Variants in BCL9L observed in about 807,000 individuals in gnomAD.
BCL9L encodes B-cell CLL/lymphoma 9-like protein.
In BCL9L, 19 loss-of-function variants were observed where a neutral mutation model predicts 99.4. The observed-to-expected ratio is 0.19, with a 90% CI of 0.13 to 0.28. The LOEUF is 0.28. Among genes scored for constraint, BCL9L ranks in the 10% least tolerant of loss-of-function variants. The pLI is 1.00. For synonymous variants in BCL9L, 900 were observed against 854.8 expected, an observed-to-expected ratio of 1.05 and a Z score of -0.92; for missense variants, 2,023 against 2,101.6, an observed-to-expected ratio of 0.96 and a Z score of 0.73.
chr11:118,907,590 C>A lies in BCL9L; in HGVS notation c.425G>T (p.Arg142Leu). The change falls in exon 5 of 10, where the codon CGG becomes CTG. Residue 142 changes from arginine to leucine, a missense_variant. By Grantham distance (102) the Arg-to-Leu change is moderately radical. This residue lies in a region of BCL9L where 1,116 missense variants were observed against 1,194.6 expected (regional missense o/e 0.93). Coordinates refer to ENST00000683865, the MANE Select transcript of BCL9L (RefSeq NM_001378213.1). ...CTCCAGCACACAGCGCCGCTTACTC[C>A]GCGGCGCCACCTCTGCCCAGGCAGG... The part of the protein sequence containing the change: ...LDSEAKEVAP[R>L]SKRRCVLERK... 1.9e-6 allele frequency: 3 copies of A among 1,613,206 alleles called. No individual in the cohort carries two copies. Among genetic ancestry groups the A allele is most frequent in the South Asian group, 1.1e-5 (1 of 91,090 alleles).
At position 118,903,795 on chromosome 11, in the gene BCL9L, A is replaced by G. The variant is rs1940393324; in HGVS notation, c.533-343T>C. The stretch of plus-strand genomic sequence containing the variant: ...AAATAAGTTCCTCACCCACAGTTAC[A>G]CAGCCAGTTAGTGCAGAGCCAGAAC... On this transcript the variant is annotated intron_variant, in intron 5 of 9. Transcript: ENST00000683865. This position sits in a 1 kb window ranked among gnomAD's most constrained non-coding sequence, Gnocchi z 5.6. Among the ~76,000 whole-genome samples, 1 of 152,190 alleles carries G rather than the reference A, an allele frequency of 6.6e-6. No individual in the cohort carries two copies. Among genetic ancestry groups the G allele is most frequent in the African/African-American group, 2.4e-5 (1 of 41,440 alleles).
At position 118,898,697 on chromosome 11, in the gene BCL9L, G is replaced by C. The variant is rs1940042796; in HGVS notation, c.4218C>G (p.Pro1406=). The C allele has an allele frequency of 2.5e-6, 4 of 1,611,740 alleles. No individual in the cohort carries two copies. Among genetic ancestry groups the C allele is most frequent in the East Asian group, 2.2e-5 (1 of 44,840 alleles). ...CATGGGGCACCATCCCCTGCTGTGG[G>C]GGCACGCCTGTCCTGCCCAGCAAGG... ...QMSLLGRTGV[P]PQQGMVPHGL... The change falls in exon 10 of 10, where the codon CCC becomes CCG. Residue 1406 remains proline, a synonymous_variant. Coordinates refer to ENST00000683865, the MANE Select transcript of BCL9L (RefSeq NM_001378213.1).
rs754443175 is a variant in BCL9L at position 118,903,014 on chromosome 11, G to A, written c.810C>T (p.Asn270=). The A allele has an allele frequency of 7.5e-6, 12 of 1,595,838 alleles. No homozygotes were observed. The highest frequency in any genetic ancestry group is 3.4e-5 in the Admixed American group (2 of 58,308). Residue 270 remains asparagine, a synonymous_variant, in exon 7 of 10, where the codon AAC becomes AAT. Transcript: ENST00000683865. This position sits in a 1 kb window ranked among gnomAD's most constrained non-coding sequence, Gnocchi z 5.6. ...ADSILAYHQQ[N]VPRAKLDQAP... ...CCTGGTCAAGCTTGGCCCGGGGCAC[G>A]TTCTGCTGGTGGTAGGCGAGGATGG...
rs753277005 is a variant in BCL9L, at chr11:118,901,085, C to T, written c.2658G>A (p.Arg886=). Residue 886 remains arginine (R), a synonymous_variant, in exon 8 of 10, where the codon CGG becomes CGA. Transcript: ENST00000683865. The surrounding 1 kb of genome is among the most constrained non-coding windows in gnomAD (Gnocchi z 6.6). ...CAGGGGGCAGAGGCATGTGGCTGAG[C>T]CGGGTGGTGCCCACGTTGCTCATGG... is the stretch of plus-strand genomic sequence containing the variant. ...SMPMSNVGTT[R]LSHMPLPPAS... is the part of the protein sequence containing the mutation. 2.5e-6 allele frequency: 4 copies of T among 1,606,002 alleles called. No individual in the cohort carries two copies. In the Admixed American group the frequency reaches 6.7e-5, roughly 27 times the overall value.
Position 118,899,275 on chromosome 11 carries a change from C to T in BCL9L, c.3640G>A (p.Ala1214Thr). ...GAGCTGGGCACTGGGCCACAGGGGGCATTCAGGGAGTCGGGGCCCCCTGGG... is the reference window on the plus strand; with the variant it reads ...GAGCTGGGCACTGGGCCACAGGGGGTATTCAGGGAGTCGGGGCCCCCTGGG... The part of the protein sequence containing the change: ...MAPGGPDSLN[A>T]PCGPVPSSSQ... The change falls in exon 10 of 10, where the codon GCC becomes ACC. Residue 1214 changes from alanine to threonine, a missense_variant. Physicochemically the swap from Ala to Thr is moderately conservative, Grantham distance 58. Around this residue, in one of 3 missense-constraint regions of BCL9L, gnomAD observed 902 missense variants for 888.2 expected, o/e 1.02. Coordinates refer to ENST00000683865, the MANE Select transcript of BCL9L (RefSeq NM_001378213.1). The T allele has an allele frequency of 6.5e-7, 1 of 1,530,446 alleles. No individual in the cohort carries two copies. The highest frequency in any genetic ancestry group is 8.8e-7 in the Non-Finnish European group (1 of 1,139,948). The allele number at this position is 1,530,446 out of a possible 1,614,324, so 94.8% of individuals were successfully genotyped here. A position where few individuals can be genotyped will look rare whatever the true frequency, so the allele number is the denominator to read the frequency against.
At chr11:118,924,006 G>T (rs1329873901) in intron 1 of BCL9L, among the ~76,000 whole-genome samples, 3 of 152,180 alleles carry the variant, frequency 2.0e-5, no homozygotes. Context: ...GGAGAAGGTA[G>T]CCCGGCCCAT....
chr11:118,908,841 C>T (rs902961152), intron 3 of BCL9L, among the ~76,000 whole-genome samples, 186 bp from the exon 4 acceptor site: 1 of 152,144 alleles, frequency 6.6e-6, no homozygotes, highest in African/African-American at 2.4e-5. Flanking sequence ...GGCTGAAGCC[C>T]TCATCCACCT....
chr11:118,901,039 C>T lies in BCL9L; in HGVS notation c.2704G>A (p.Val902Met), dbSNP rs564056959. The T allele has an allele frequency of 7.6e-6, 12 of 1,577,584 alleles. No individual in the cohort carries two copies. Among genetic ancestry groups the T allele is most frequent in the Middle Eastern group, 1.7e-4 (1 of 5,844 alleles). ...AGCCCCCGGTTTGGGGCTGAATGCA[C>T]GGTCCCAGGAGGATTGGACGCAGGG... ...LPPASNPPGT[V>M]HSAPNRGLGR... Residue 902 changes from valine to methionine, a missense_variant, in exon 8 of 10, where the codon GTG (valine) becomes ATG (methionine). Physicochemically the swap from Val to Met is conservative, Grantham distance 21. Around this residue, in one of 3 missense-constraint regions of BCL9L, gnomAD observed 902 missense variants for 888.2 expected, o/e 1.02. Transcript: ENST00000683865. This position sits in a 1 kb window ranked among gnomAD's most constrained non-coding sequence, Gnocchi z 6.6.
chr11:118,913,735 C>T lies in BCL9L; in HGVS notation c.-76-3720G>A, dbSNP rs1237266012. 1.4e-4 allele frequency among the ~76,000 whole-genome samples: 18 copies of T among 132,944 alleles called. No individual in the cohort carries two copies. In the Admixed American group the frequency reaches 1.5e-3, roughly 11 times the overall value. 87.2% of individuals were successfully genotyped at this position (132,944 alleles called of 152,430 possible). A position where few individuals can be genotyped will look rare whatever the true frequency, so the allele number is the denominator to read the frequency against. ...AGAGAGGAGTGCCAAAAGCTTGGTACCCCAACAGAGGCAAGGGCCAGGGGT... is the reference window on the plus strand; with the variant it reads ...AGAGAGGAGTGCCAAAAGCTTGGTATCCCAACAGAGGCAAGGGCCAGGGGT... On this transcript the variant is annotated intron_variant, in intron 2 of 9. Coordinates refer to ENST00000683865, the MANE Select transcript of BCL9L (RefSeq NM_001378213.1).
chr11:118,903,359 G>A lies in BCL9L; in HGVS notation c.626C>T (p.Ala209Val), dbSNP rs770108580. ...LPLSESSVPG[A>V]PHGPPPGLRP... ...AAGGCCAGGAGGAGGGCCGTGCGGG[G>A]CGCCTGGCACGCTGCTCTCGCTGAG... is the stretch of plus-strand genomic sequence containing the variant. The change falls in exon 6 of 10, where the codon GCC (alanine) becomes GTC (valine). Residue 209 changes from alanine to valine, a missense_variant. Physicochemically the swap from Ala to Val is moderately conservative, Grantham distance 64 (BLOSUM62 0). This residue lies in a region of BCL9L where 1,116 missense variants were observed against 1,194.6 expected (regional missense o/e 0.93). Transcript: ENST00000683865. The surrounding 1 kb of genome is among the most constrained non-coding windows in gnomAD (Gnocchi z 5.6). 1 of 1,605,240 alleles carries A rather than the reference G, an allele frequency of 6.2e-7. No individual in the cohort carries two copies. Among genetic ancestry groups the A allele is most frequent in the Non-Finnish European group, 8.5e-7 (1 of 1,176,352 alleles).
intron 2 of BCL9L, among the ~76,000 whole-genome samples, chr11:118,917,701 C>G (rs902470410): frequency 6.6e-6 from 1 of 152,166 alleles, no homozygotes; most frequent in African/African-American, 2.4e-5. Flanking sequence ...CCGCTCCCCA[C>G]TCCCTCAACC....
chr11:118,901,387 C>T lies in BCL9L; in HGVS notation c.2356G>A (p.Val786Met), dbSNP rs761582216. Residue 786 changes from valine to methionine, a missense_variant, in exon 8 of 10, where the codon GTG becomes ATG. Physicochemically the swap from Val to Met is conservative, Grantham distance 21 (BLOSUM62 1). Coordinates refer to ENST00000683865, the MANE Select transcript of BCL9L (RefSeq NM_001378213.1). This position sits in a 1 kb window ranked among gnomAD's most constrained non-coding sequence, Gnocchi z 6.6. ...VNMNMNMNLNVQMTPQQQMLM... is the reference protein window; with the variant it reads ...VNMNMNMNLNMQMTPQQQMLM... ...ATCTGCTGCTGCGGGGTCATCTGCA[C>T]GTTCAGGTTCATGTTCATGTTCATG... 1.2e-6 allele frequency: 2 copies of T among 1,613,914 alleles called. No homozygotes were observed. The highest frequency in any genetic ancestry group is 1.7e-5 in the Admixed American group (1 of 60,018).
At position 118,901,836 on chromosome 11, in the gene BCL9L, C is replaced by A. The variant is rs753760118; in HGVS notation, c.1907G>T (p.Gly636Val). The part of the protein sequence containing the change: ...MNAMQRPVRP[G>V]MGWTEDLPPM... ...GGGCAAGTCTTCGGTCCAGCCCATG[C>A]CTGGTCTCACGGGCCTCTGCATGGC... The change falls in exon 8 of 10, where the codon GGC becomes GTC. Residue 636 changes from glycine to valine, a missense_variant. Gly to Val is a moderately radical substitution (Grantham distance 109). Transcript: ENST00000683865. This position sits in a 1 kb window ranked among gnomAD's most constrained non-coding sequence, Gnocchi z 6.6. The A allele has an allele frequency of 1.5e-5, 24 of 1,609,802 alleles. No homozygotes were observed. In the African/African-American group the frequency reaches 2.9e-4, roughly 20 times the overall value.
chr11:118,899,211 G>A lies in BCL9L; in HGVS notation c.3704C>T (p.Pro1235Leu). The change falls in exon 10 of 10, where the codon CCC becomes CTC. Residue 1235 changes from proline (P) to leucine (L), a missense_variant. This residue lies in a region of BCL9L where 902 missense variants were observed against 888.2 expected (regional missense o/e 1.02). Transcript: ENST00000683865. ...CCCAGTGGGGGCCATGGCACCATGGGGCTGCTGCAGCCGAGGGGGGAAGGG... is the reference window on the plus strand; with the variant it reads ...CCCAGTGGGGGCCATGGCACCATGGAGCTGCTGCAGCCGAGGGGGGAAGGG... Reference protein sequence around the residue: ...MMPFPPRLQQPHGAMAPTGGG... With the variant: ...MMPFPPRLQQLHGAMAPTGGG... 2 of 1,501,168 alleles carry A rather than the reference G, an allele frequency of 1.3e-6. No homozygotes were observed. The highest frequency in any genetic ancestry group is 1.8e-6 in the Non-Finnish European group (2 of 1,125,680). 93.0% of individuals were successfully genotyped at this position (1,501,168 alleles called of 1,614,324 possible). A position where few individuals can be genotyped will look rare whatever the true frequency, so the allele number is the denominator to read the frequency against.
rs981528392 is a variant in BCL9L at position 118,903,890 on chromosome 11, C to T, written c.533-438G>A. On this transcript the variant is annotated intron_variant, in intron 5 of 9. Transcript: ENST00000683865. The surrounding 1 kb of genome is among the most constrained non-coding windows in gnomAD (Gnocchi z 5.6). ...CCCTCTCACTGGGTAAGTGTATGTG[C>T]ACACAGTCTAGTGACCCAGTTAGGG... Among the ~76,000 whole-genome samples the T allele has an allele frequency of 6.6e-6, 1 of 152,176 alleles. No individual in the cohort carries two copies.
At chr11:118,923,193 G>T (rs192218122) in intron 1 of BCL9L, among the ~76,000 whole-genome samples, 1 of 152,080 alleles carries the variant, frequency 6.6e-6, no homozygotes, top group Non-Finnish European at 1.5e-5. Flanking sequence ...GAGCTCCATC[G>T]CAGTCACTCC....
rs1388730443 is a variant in BCL9L at position 118,903,341 on chromosome 11, G to A, written c.644C>T (p.Pro215Leu). 1 of 1,596,046 alleles carries A rather than the reference G, an allele frequency of 6.3e-7. No individual in the cohort carries two copies. Among genetic ancestry groups the A allele is most frequent in the African/African-American group, 1.3e-5 (1 of 74,624 alleles). Residue 215 changes from proline to leucine, a missense_variant, in exon 6 of 10, where the codon CCT (proline) becomes CTT (leucine). Coordinates refer to ENST00000683865, the MANE Select transcript of BCL9L (RefSeq NM_001378213.1). The surrounding 1 kb of genome is among the most constrained non-coding windows in gnomAD (Gnocchi z 5.6). ...CCCAGGGGCATCAGGCCGAAGGCCA[G>A]GAGGAGGGCCGTGCGGGGCGCCTGG... Reference protein sequence around the residue: ...SVPGAPHGPPPGLRPDAPGGG... With the variant: ...SVPGAPHGPPLGLRPDAPGGG...
At chr11:118,912,873 C>CA (rs1940850703) in intron 2 of BCL9L, among the ~76,000 whole-genome samples, 1 of 152,158 alleles carries the variant, frequency 6.6e-6, no homozygotes, top group Admixed American at 6.5e-5. Context: ...ACAGGGCGAA[C>CA]GAGATCCTTG....
At position 118,922,012 on chromosome 11, in the gene BCL9L, C is replaced by T. The variant is rs1294573896; in HGVS notation, c.-130-3133G>A. On this transcript the variant is annotated intron_variant, in intron 1 of 9. Transcript: ENST00000683865. The surrounding 1 kb of genome is among the most constrained non-coding windows in gnomAD (Gnocchi z 6.2). ...GAACCCAAGGCTTTCTTCCTCTCCA[C>T]AAGGATGCGGGACCCTCGGGGAGAC... Among the ~76,000 whole-genome samples, 2 of 152,162 alleles carry T rather than the reference C, an allele frequency of 1.3e-5. No individual in the cohort carries two copies. Among genetic ancestry groups the T allele is most frequent in the African/African-American group, 4.8e-5 (2 of 41,420 alleles).
Sources: gnomAD v4.1 joint callset for allele counts (sites outside exome capture counted in the v4.1 genomes callset) on GRCh38, gnomAD v4.1.1 for gene constraint, gnomAD v4.1.1 regional missense constraint, Gnocchi (gnomAD v3.1) non-coding constraint, MANE v1.5 for transcripts, NCBI Gene and HGNC (gene_info 2026-07-23, HGNC 2026-07-21) for gene names.